The following PRRC1 variants were observed in gnomAD, a reference collection of about 807,000 sequenced individuals.
PRRC1 encodes protein PRRC1.
Under a neutral mutation model 40.7 loss-of-function variants are expected in PRRC1, and 39 were observed. The observed-to-expected ratio is 0.96, with a 90% CI of 0.74 to 1.25. The LOEUF (loss-of-function observed/expected upper bound fraction) is 1.25, where lower values mean the gene tolerates loss of function less well. PRRC1 is among the 50% of genes most tolerant of loss of function. The pLI is 0.00. For missense variants in PRRC1, 573 were observed against 548.3 expected, an observed-to-expected ratio of 1.05 and a Z score of -0.45; for synonymous variants, 175 against 193.3, an observed-to-expected ratio of 0.91 and a Z score of 0.79.
At chr5:127,524,346 G>A (rs1767544277) in intron 2 of PRRC1, among the ~76,000 whole-genome samples, 185 bp from the exon 3 acceptor site, 1 of 151,842 alleles carries the variant, frequency 6.6e-6, no homozygotes, top group African/African-American at 2.4e-5. Flanking sequence ...TTTACTTATG[G>A]GAGTTGAAAG....
chr5:127,541,852 G>A (rs1295707447), intron 7 of PRRC1, among the ~76,000 whole-genome samples: 1 of 151,802 alleles, frequency 6.6e-6, no homozygotes, highest in Non-Finnish European at 1.5e-5. Context: ...ATTTTTTGAA[G>A]GGTTTTTTGT....
chr5:127,530,147 T>G, intron 4 of PRRC1, 147 bp from the exon 5 acceptor site: 1 of 615,074 alleles, frequency 1.6e-6, no homozygotes, highest in South Asian at 2.3e-5. Context: ...TTAATAGCAA[T>G]TTGATATTGT....
chr5:127,537,273 G>T (rs1244866820), intron 6 of PRRC1, among the ~76,000 whole-genome samples: 1 of 151,780 alleles, frequency 6.6e-6, no homozygotes, highest in African/African-American at 2.4e-5. Context: ...GTTCTGAAAT[G>T]ATTATTTTAA....
Position 127,524,597 on chromosome 5 carries a change from C to G in PRRC1, c.170C>G (p.Ser57Cys), listed in dbSNP as rs746902587. 40 of 1,614,158 alleles carry G rather than the reference C, an allele frequency of 2.5e-5. No homozygotes were observed. Among genetic ancestry groups the G allele is most frequent in the Non-Finnish European group, 3.4e-5 (40 of 1,180,000 alleles). ...SMESFPPLAYSTPQPPLPPVR... is the reference protein window; with the variant it reads ...SMESFPPLAYCTPQPPLPPVR... The stretch of plus-strand genomic sequence containing the variant: ...GAGTCCTTCCCACCACTCGCATACT[C>G]TACTCCTCAGCCGCCCCTTCCTCCT... Residue 57 changes from serine (S) to cysteine (C), a missense_variant, in exon 3 of 9, where the codon TCT (serine) becomes TGT (cysteine). By Grantham distance (112) the Ser-to-Cys change is moderately radical. Transcript: ENST00000296666.
chr5:127,551,400 T>C (rs926831514), intron 8 of PRRC1: 1 of 296,218 alleles, frequency 3.4e-6, no homozygotes, highest in Non-Finnish European at 6.4e-6. Flanking sequence ...AAGATAACTT[T>C]AGCACTGATT....
At position 127,553,991 on chromosome 5, in the gene PRRC1, C is replaced by T; in HGVS notation, c.*2075C>T. 1.5e-6 allele frequency: 2 copies of T among 1,371,484 alleles called. No individual in the cohort carries two copies. The highest frequency in any genetic ancestry group is 1.9e-6 in the Non-Finnish European group (2 of 1,032,132). 85.0% of individuals were successfully genotyped at this position (1,371,484 alleles called of 1,614,324 possible). On this transcript the variant is annotated 3_prime_UTR_variant, in exon 9 of 9. Transcript: ENST00000296666. Reference sequence around the variant, plus strand: ...GGCCTCTCTGGTTCTGTTCTTGGCCCAGAGTTTTTGAAAAGCAGCGGAGCA... The same window carrying T: ...GGCCTCTCTGGTTCTGTTCTTGGCCTAGAGTTTTTGAAAAGCAGCGGAGCA...
chr5:127,532,630 T>C (rs1767805425), intron 5 of PRRC1, among the ~76,000 whole-genome samples: 1 of 152,228 alleles, frequency 6.6e-6, no homozygotes, highest in South Asian at 2.1e-4. Context: ...TTCTCTTTTA[T>C]GTCCTAGTAA....
At chr5:127,538,786 A>C (rs916883085) in intron 6 of PRRC1, among the ~76,000 whole-genome samples, 1 of 152,092 alleles carries the variant, frequency 6.6e-6, no homozygotes, top group African/African-American at 2.4e-5. Context: ...TAATATAAAA[A>C]TAATCCACAA....
At position 127,552,505 on chromosome 5, in the gene PRRC1, A is replaced by G; in HGVS notation, c.*589A>G. 2.0e-6 allele frequency: 2 copies of G among 986,682 alleles called. No individual in the cohort carries two copies. Among genetic ancestry groups the G allele is most frequent in the East Asian group, 1.1e-4 (1 of 8,832 alleles). 61.1% of individuals were successfully genotyped at this position (986,682 alleles called of 1,614,324 possible). A position where few individuals can be genotyped will look rare whatever the true frequency, so the allele number is the denominator to read the frequency against. On this transcript the variant is annotated 3_prime_UTR_variant, in exon 9 of 9. Transcript: ENST00000296666. ...GAATTGATTATTTTCCTTTTTGGCC[A>G]TCACGTACACATGTAATCTGGAAAA...
At chr5:127,524,961 A>T in intron 3 of PRRC1, 41 bp downstream of exon 3, 1 of 1,503,398 alleles carries the variant, frequency 6.7e-7, no homozygotes, top group Non-Finnish European at 8.9e-7. Flanking sequence ...GCTATTAATT[A>T]ATGTTTTATT....
At chr5:127,530,200 T>C (rs754752153) in intron 4 of PRRC1, 94 bp from the exon 5 acceptor site, 7 of 968,234 alleles carry the variant, frequency 7.2e-6, no homozygotes, top group African/African-American at 4.9e-5. Context: ...TTAGGATGCA[T>C]TGGAAACTTT....
intron 7 of PRRC1, among the ~76,000 whole-genome samples, chr5:127,546,925 A>C (rs1328597520): frequency 2.6e-5 from 4 of 152,182 alleles, no homozygotes; most frequent in Non-Finnish European, 5.9e-5. Flanking sequence ...TAGGATATGA[A>C]CACTATAGAC....
Position 127,533,009 on chromosome 5 carries a change from T to A in PRRC1, c.758-614T>A, listed in dbSNP as rs533240294. Among the ~76,000 whole-genome samples the A allele has an allele frequency of 2.2e-4, 33 of 152,260 alleles. 1 individual carries two copies. In the South Asian group the frequency reaches 6.2e-3, roughly 29 times the overall value. On this transcript the variant is annotated intron_variant, in intron 5 of 8. Transcript: ENST00000296666. ...TAGGTTGTTTAAGTAATTGAAAAAT[T>A]AAAAATATTTGAAAATATTTTTATT...
intron 3 of PRRC1, 65 bp downstream of exon 3, chr5:127,524,985 A>G (rs1174693898): frequency 7.0e-7 from 1 of 1,419,040 alleles, no homozygotes. Flanking sequence ...TTTTAAAATA[A>G]TAGCTTTGTT....
At chr5:127,548,804 G>A (rs760528832) in intron 8 of PRRC1, 3 of 151,988 alleles carry the variant, frequency 2.0e-5, no homozygotes, top group Non-Finnish European at 4.4e-5. Flanking sequence ...TTAGAAAGGG[G>A]GCTAAGAATT....
chr5:127,518,671 C>T (rs1767380805), intron 1 of PRRC1, among the ~76,000 whole-genome samples: 1 of 151,812 alleles, frequency 6.6e-6, no homozygotes, highest in Non-Finnish European at 1.5e-5. Context: ...GCTCTTAATG[C>T]TTTAAAGTTT....
intron 6 of PRRC1, among the ~76,000 whole-genome samples, chr5:127,536,027 C>G (rs1377527640): frequency 6.6e-6 from 1 of 151,876 alleles, no homozygotes; most frequent in Non-Finnish European, 1.5e-5. Flanking sequence ...GTAGTTATAC[C>G]CTATCTAAAT....
At chr5:127,544,804 A>G (rs1768165583) in intron 7 of PRRC1, among the ~76,000 whole-genome samples, 2 of 152,164 alleles carry the variant, frequency 1.3e-5, no homozygotes, top group African/African-American at 4.8e-5. Context: ...TTGACTAGGA[A>G]AGGGAACTCC....
intron 6 of PRRC1, among the ~76,000 whole-genome samples, chr5:127,535,230 G>A (rs1170382779): frequency 6.6e-6 from 1 of 152,154 alleles, no homozygotes; most frequent in Non-Finnish European, 1.5e-5. Flanking sequence ...AACTCTCACA[G>A]TCAACAGTAC....
Sources: allele counts gnomAD v4.1 joint callset (sites outside exome capture counted in the v4.1 genomes callset), GRCh38; gene constraint gnomAD v4.1.1; transcripts MANE v1.5; gene names NCBI Gene and HGNC (gene_info 2026-07-23, HGNC 2026-07-21).